Variants in FXR2 observed in about 807,000 individuals in gnomAD.
FXR2 encodes FMR1 autosomal homolog 2.
In FXR2, 9 loss-of-function variants were observed where a neutral mutation model predicts 87.3. The ratio of observed to expected loss-of-function variants is 0.10; its 90% CI spans 0.06 to 0.18. The LOEUF (loss-of-function observed/expected upper bound fraction) is 0.18, where lower values mean the gene tolerates loss of function less well. FXR2 is among the 10% of genes least tolerant of loss of function. The probability of loss-of-function intolerance (pLI) is 1.00; values close to 1 mark genes in which losing one functional copy is unlikely to be tolerated. For synonymous variants in FXR2, 331 were observed against 328.3 expected (o/e 1.01, Z -0.09); for missense variants, 661 against 893.6 (o/e 0.74, Z 3.32).
At chr17:7,609,931 T>TATATATATACATGTAAATGTATAC (rs2071837756) in intron 1 of FXR2, among the ~76,000 whole-genome samples, 7 of 86,880 alleles carry the variant, frequency 8.1e-5, no homozygotes, top group African/African-American at 3.5e-4. Context: ...CATGTATATG[T>TATATATATACATGTAAATGTATAC]ATATATATAC....
chr17:7,606,005 C>G (rs781620014), intron 2 of FXR2, 92 bp downstream of exon 2: 1 of 843,054 alleles, frequency 1.2e-6, no homozygotes. Flanking sequence ...CTCTCCCAAC[C>G]TATTACATGC....
chr17:7,603,952 T>G (rs757505217), intron 4 of FXR2, 47 bp from the exon 5 acceptor site: 7 of 1,611,476 alleles, frequency 4.3e-6, no homozygotes, highest in Non-Finnish European at 3.4e-6. Flanking sequence ...CTGAGCAACT[T>G]TCTATGAATA....
In FXR2 at chr17:7,594,555, C is replaced by A; in HGVS notation, c.910+124G>T. 1.3e-6 allele frequency: 1 copy of A among 755,164 alleles called. No homozygotes were observed. The highest frequency in any genetic ancestry group is 2.4e-6 in the Non-Finnish European group (1 of 423,676). The allele number at this position is 755,164 out of a possible 1,614,324, so 46.8% of individuals were successfully genotyped here. The stretch of plus-strand genomic sequence containing the variant: ...TCATTTTTATCACTCCCATTACAGA[C>A]TGTTTCTCTGTCCTTGTGAAACTGG... On this transcript the variant is annotated intron_variant, in intron 9 of 16. Transcript: ENST00000250113. This position sits in a 1 kb window ranked among gnomAD's most constrained non-coding sequence, Gnocchi z 5.1.
At chr17:7,602,056 C>T (rs745714827) in intron 6 of FXR2, among the ~76,000 whole-genome samples, 1 of 152,102 alleles carries the variant, frequency 6.6e-6, no homozygotes, top group Non-Finnish European at 1.5e-5. Flanking sequence ...GAGCTACATA[C>T]TCTATTTCTG....
intron 1 of FXR2, among the ~76,000 whole-genome samples, chr17:7,611,111 C>T (rs557415632): frequency 1.3e-5 from 2 of 152,026 alleles, no homozygotes; most frequent in South Asian, 2.1e-4. Context: ...GCGCCCTGGA[C>T]GGTGAATACT....
intron 6 of FXR2, among the ~76,000 whole-genome samples, chr17:7,602,024 G>C (rs2071760915): frequency 6.6e-6 from 1 of 152,170 alleles, no homozygotes; most frequent in Non-Finnish European, 1.5e-5. Context: ...TAGAGAGAAA[G>C]CAAGGAGCAA....
Position 7,593,368 on chromosome 17 carries a change from C to A in FXR2, c.1330+35G>T. On this transcript the variant is annotated intron_variant, in intron 12 of 16. Transcript: ENST00000250113. The surrounding 1 kb of genome is among the most constrained non-coding windows in gnomAD (Gnocchi z 6.1). ...CCTCTGCCTCTACCCACAAGCCCTG[C>A]CACTCCTTGCCTCCTGTTCCCATAA... 1 of 1,474,922 alleles carries A rather than the reference C, an allele frequency of 6.8e-7. No homozygotes were observed. The highest frequency in any genetic ancestry group is 9.3e-7 in the Non-Finnish European group (1 of 1,079,012). 91.4% of individuals were successfully genotyped at this position (1,474,922 alleles called of 1,614,324 possible). A position where few individuals can be genotyped will look rare whatever the true frequency, so the allele number is the denominator to read the frequency against.
intron 6 of FXR2, 170 bp downstream of exon 6, chr17:7,602,739 A>C (rs910097980): frequency 6.7e-6 from 3 of 446,254 alleles, no homozygotes; most frequent in Non-Finnish European, 1.2e-5. Flanking sequence ...CAAAAAAAAG[A>C]AAAAAAAAAG....
rs2071677047 is a variant in FXR2, at chr17:7,592,917, G to A, written c.1529-23C>T. The A allele has an allele frequency of 1.3e-6, 2 of 1,552,748 alleles. No individual in the cohort carries two copies. Among genetic ancestry groups the A allele is most frequent in the Admixed American group, 2.0e-5 (1 of 50,934 alleles). ...GCACTGGTCAGAGGAAGAAGAGGAG[G>A]AGTTGGCAGTCAGGTGCCCATCATC... On this transcript the variant is annotated intron_variant, in intron 13 of 16. Transcript: ENST00000250113. The surrounding 1 kb of genome is among the most constrained non-coding windows in gnomAD (Gnocchi z 4.8).
In FXR2 at chr17:7,606,819, G is replaced by T. The variant is rs76317502; in HGVS notation, c.82-670C>A. Among the ~76,000 whole-genome samples, 1,337 of 152,244 alleles carry T rather than the reference G, an allele frequency of 8.8e-3. 16 individuals are homozygous for T. The highest frequency in any genetic ancestry group is 0.03 in the African/African-American group (1,251 of 41,532). On this transcript the variant is annotated intron_variant, in intron 1 of 16. Coordinates refer to ENST00000250113, the MANE Select transcript of FXR2 (RefSeq NM_004860.4). Reference sequence around the variant, plus strand: ...CTCCAATCTTGATATTTTGACAAGAGCAAGAGGGATGACTGAACAGCTGAT... The same window carrying T: ...CTCCAATCTTGATATTTTGACAAGATCAAGAGGGATGACTGAACAGCTGAT...
chr17:7,614,209 C>T, intron 1 of FXR2: 2 of 681,044 alleles, frequency 2.9e-6, no homozygotes. Context: ...ACAATAATGG[C>T]CTGAAGTTCA....
chr17:7,603,716 C>A (rs371607187), intron 5 of FXR2, 41 bp downstream of exon 5: 8 of 1,599,142 alleles, frequency 5.0e-6, no homozygotes, highest in Non-Finnish European at 6.9e-6. Flanking sequence ...GAGATTAGGG[C>A]TGTAAAGAGG....
chr17:7,593,233 C>T lies in FXR2; in HGVS notation c.1331-52G>A, dbSNP rs1195998424. On this transcript the variant is annotated intron_variant, in intron 12 of 16. Coordinates refer to ENST00000250113, the MANE Select transcript of FXR2 (RefSeq NM_004860.4). The surrounding 1 kb of genome is among the most constrained non-coding windows in gnomAD (Gnocchi z 6.1). Reference sequence around the variant, plus strand: ...CGGCCATTCATCCCACCTCAGGATCCATCACATCCCCCAAACTGGAAGAAT... The same window carrying T: ...CGGCCATTCATCCCACCTCAGGATCTATCACATCCCCCAAACTGGAAGAAT... The T allele has an allele frequency of 5.1e-6, 7 of 1,376,366 alleles. No individual in the cohort carries two copies. The highest frequency in any genetic ancestry group is 2.6e-5 in the Admixed American group (1 of 38,552). The allele number at this position is 1,376,366 out of a possible 1,614,324, so 85.3% of individuals were successfully genotyped here. A position where few individuals can be genotyped will look rare whatever the true frequency, so the allele number is the denominator to read the frequency against.
intron 3 of FXR2, 115 bp downstream of exon 3, chr17:7,605,530 G>A: frequency 1.6e-6 from 1 of 629,344 alleles, no homozygotes. Context: ...CATTTCCATA[G>A]GCTACATGGC....
rs1407663375 is a variant in FXR2 at position 7,593,779 on chromosome 17, C to T, written c.1107+139G>A. 1 of 800,306 alleles carries T rather than the reference C, an allele frequency of 1.2e-6. No homozygotes were observed. Among genetic ancestry groups the T allele is most frequent in the Non-Finnish European group, 2.1e-6 (1 of 486,272 alleles). The allele number at this position is 800,306 out of a possible 1,614,324, so 49.6% of individuals were successfully genotyped here. ...AAACAAGGAAAATTCTGGGACCCAACCCTATAGCCCCAAATTTCCACAGAT... is the reference window on the plus strand; with the variant it reads ...AAACAAGGAAAATTCTGGGACCCAATCCTATAGCCCCAAATTTCCACAGAT... On this transcript the variant is annotated intron_variant, in intron 11 of 16. Coordinates refer to ENST00000250113, the MANE Select transcript of FXR2 (RefSeq NM_004860.4). This position sits in a 1 kb window ranked among gnomAD's most constrained non-coding sequence, Gnocchi z 6.1.
intron 6 of FXR2, 132 bp from the exon 7 acceptor site, chr17:7,601,657 G>A (rs532524590): frequency 1.9e-4 from 121 of 622,366 alleles, no homozygotes; most frequent in African/African-American, 1.6e-3. Flanking sequence ...GACCGGGCGC[G>A]GTGGCTCATG....
At chr17:7,613,940 C>T (rs375450084) in intron 1 of FXR2, 3 of 421,734 alleles carry the variant, frequency 7.1e-6, no homozygotes, top group Non-Finnish European at 1.4e-5. Context: ...GCTTGGGAAC[C>T]GGAATATAAG....
chr17:7,603,669 T>C, intron 5 of FXR2, 88 bp downstream of exon 5: 1 of 1,331,792 alleles, frequency 7.5e-7, no homozygotes, highest in East Asian at 2.3e-5. Context: ...CAGAGAAAAC[T>C]GCAAAGTGGG....
rs1191329508 is a variant in FXR2 at position 7,592,570 on chromosome 17, G to A, written c.1759C>T (p.Arg587Cys). The A allele has an allele frequency of 3.7e-6, 6 of 1,613,540 alleles. No homozygotes were observed. The highest frequency in any genetic ancestry group is 1.1e-5 in the South Asian group (1 of 91,074). The change falls in exon 15 of 17, where the codon CGC becomes TGC. Residue 587 changes from arginine (R) to cysteine (C), a missense_variant. Around this residue, in one of 3 missense-constraint regions of FXR2, gnomAD observed 409 missense variants for 432.0 expected, o/e 0.95. Coordinates refer to ENST00000250113, the MANE Select transcript of FXR2 (RefSeq NM_004860.4). The surrounding 1 kb of genome is among the most constrained non-coding windows in gnomAD (Gnocchi z 4.8). Reference sequence around the variant, plus strand: ...CCACGGTTACGGCGGCGGCGGCTGCGATTACGACGTTGAGGTCTTGATTCA... The same window carrying A: ...CCACGGTTACGGCGGCGGCGGCTGCAATTACGACGTTGAGGTCTTGATTCA... The part of the protein sequence containing the change: ...EDESRPQRRN[R>C]SRRRRNRGNR...
Sources: allele counts gnomAD v4.1 joint callset (sites outside exome capture counted in the v4.1 genomes callset), GRCh38; gene constraint gnomAD v4.1.1; regional missense constraint gnomAD v4.1.1; non-coding constraint Gnocchi (gnomAD v3.1); transcripts MANE v1.5; gene names NCBI Gene and HGNC (gene_info 2026-07-23, HGNC 2026-07-21).